The following LZTS3 variants were observed in gnomAD, a reference collection of about 807,000 sequenced individuals.
LZTS3 encodes leucine zipper putative tumor suppressor 3.
Under a neutral mutation model 50.9 loss-of-function variants are expected in LZTS3, and 16 were observed. That is an observed-to-expected ratio of 0.31 (90% confidence interval 0.21 to 0.48). The LOEUF is 0.48. LZTS3 is among the 20% of genes least tolerant of loss of function. LZTS3 has a pLI of 0.99. For synonymous variants in LZTS3, 408 were observed against 410.6 expected (o/e 0.99, Z 0.08); for missense variants, 816 against 931.0 (o/e 0.88, Z 1.61).
rs1451693350 is a variant in LZTS3, at chr20:3,162,624, C to G, written c.*1830G>C. On this transcript the variant is annotated 3_prime_UTR_variant, in exon 5 of 5. Coordinates refer to ENST00000337576, the MANE Select transcript of LZTS3 (RefSeq NM_001365618.1). This position sits in a 1 kb window ranked among gnomAD's most constrained non-coding sequence, Gnocchi z 5.0. The stretch of plus-strand genomic sequence containing the variant: ...CACAAGCAGGCCAAAGAATACCACT[C>G]AAGAGGCTTTTTCCGTTTTATTTCT... 3 of 152,580 alleles carry G rather than the reference C, an allele frequency of 2.0e-5. No homozygotes were observed. Among genetic ancestry groups the G allele is most frequent in the Non-Finnish European group, 4.4e-5 (3 of 68,038 alleles). The allele number at this position is 152,580 out of a possible 1,614,324, so 9.5% of individuals were successfully genotyped here.
rs2066762281 is a variant in LZTS3, at chr20:3,163,662, G to C, written c.*792C>G. 1 of 152,502 alleles carries C rather than the reference G, an allele frequency of 6.6e-6. No homozygotes were observed. The highest frequency in any genetic ancestry group is 1.5e-5 in the Non-Finnish European group (1 of 68,188). 9.4% of individuals were successfully genotyped at this position (152,502 alleles called of 1,614,324 possible). A position where few individuals can be genotyped will look rare whatever the true frequency, so the allele number is the denominator to read the frequency against. ...GACAGTGGTCCTGGGTGTGGGGTCA[G>C]CCAAGCAGATGGGGCTGTTGCCCTG... On this transcript the variant is annotated 3_prime_UTR_variant, in exon 5 of 5. Coordinates refer to ENST00000337576, the MANE Select transcript of LZTS3 (RefSeq NM_001365618.1). This position sits in a 1 kb window ranked among gnomAD's most constrained non-coding sequence, Gnocchi z 5.2.
chr20:3,164,747 C>A lies in LZTS3; in HGVS notation c.1729G>T (p.Val577Leu). The part of the protein sequence containing the change: ...ESGTRALRRE[V>L]GRLQAELAAE... ...GCCAGCTCGGCCTGCAGCCGCCCCA[C>A]CTCCCGCCGCAGGGCCCGCGTCCCG... The change falls in exon 5 of 5, where the codon GTG (valine) becomes TTG (leucine). Residue 577 changes from valine to leucine, a missense_variant. Transcript: ENST00000337576. 1 of 1,524,270 alleles carries A rather than the reference C, an allele frequency of 6.6e-7. No individual in the cohort carries two copies. Among genetic ancestry groups the A allele is most frequent in the South Asian group, 1.2e-5 (1 of 81,106 alleles). 94.4% of individuals were successfully genotyped at this position (1,524,270 alleles called of 1,614,324 possible).
Position 3,164,349 on chromosome 20 carries a change from T to C in LZTS3, c.*105A>G. The C allele has an allele frequency of 2.4e-6, 3 of 1,258,072 alleles. No individual in the cohort carries two copies. The highest frequency in any genetic ancestry group is 3.2e-6 in the Non-Finnish European group (3 of 933,888). The allele number at this position is 1,258,072 out of a possible 1,614,324, so 77.9% of individuals were successfully genotyped here. On this transcript the variant is annotated 3_prime_UTR_variant, in exon 5 of 5. Coordinates refer to ENST00000337576, the MANE Select transcript of LZTS3 (RefSeq NM_001365618.1). ...ACAGCTGCTTAGAGAACCTCTTTGG[T>C]CTGGGGTTATGGGGTCTATGGGGAA...
chr20:3,165,035 G>A lies in LZTS3; in HGVS notation c.1441C>T (p.Arg481Trp), dbSNP rs759661537. ...TCCTCCTTCTCCCGCAGCGAAGCCC[G>A]GCCCTCCCGCAGCTGCGAGCGCAGT... The part of the protein sequence containing the change: ...VGLRSQLREG[R>W]ASLREKEEQL... The change falls in exon 5 of 5, where the codon CGG becomes TGG. Residue 481 changes from arginine (R) to tryptophan (W), a missense_variant. Arg to Trp is a moderately radical substitution (Grantham distance 101). Transcript: ENST00000337576. This position sits in a 1 kb window ranked among gnomAD's most constrained non-coding sequence, Gnocchi z 5.0. 1.4e-5 allele frequency: 22 copies of A among 1,567,604 alleles called. No homozygotes were observed. Among genetic ancestry groups the A allele is most frequent in the African/African-American group, 2.7e-5 (2 of 74,200 alleles).
In LZTS3 at chr20:3,166,318, C is replaced by T. The variant is rs199520706; in HGVS notation, c.502G>A (p.Val168Ile). Residue 168 changes from valine (V) to isoleucine (I), a missense_variant, in exon 4 of 5, where the codon GTA becomes ATA. By Grantham distance (29) the Val-to-Ile change is conservative. This residue lies in a region of LZTS3 where 700 missense variants were observed against 769.4 expected (regional missense o/e 0.91). Transcript: ENST00000337576. ...TGCATGGAGTGGAAATTCTTGGGTA[C>T]GACAGGCTTGAAGGCCGACGGCCGA... ...LVRPSAFKPV[V>I]PKNFHSMQNL... 70 of 1,613,612 alleles carry T rather than the reference C, an allele frequency of 4.3e-5. No homozygotes were observed. In the Middle Eastern group the frequency reaches 9.9e-4, roughly 23 times the overall value.
At position 3,165,695 on chromosome 20, in the gene LZTS3, T is replaced by A. The variant is rs1341936652; in HGVS notation, c.1125A>T (p.Leu375=). Residue 375 remains leucine (L), a synonymous_variant, in exon 4 of 5, where the codon CTA becomes CTT. Coordinates refer to ENST00000337576, the MANE Select transcript of LZTS3 (RefSeq NM_001365618.1). The surrounding 1 kb of genome is among the most constrained non-coding windows in gnomAD (Gnocchi z 5.0). ...AELRQGCSGK[L]QQVARRAQRA... The stretch of plus-strand genomic sequence containing the variant: ...GCTGGGCACGTCGGGCCACCTGCTG[T>A]AGCTTCCCGCTGCAGCCCTGCCGCA... 1 of 1,575,456 alleles carries A rather than the reference T, an allele frequency of 6.3e-7. No individual in the cohort carries two copies. Among genetic ancestry groups the A allele is most frequent in the East Asian group, 2.3e-5 (1 of 43,316 alleles).
chr20:3,170,454 A>G (rs2066887865), intron 1 of LZTS3, among the ~76,000 whole-genome samples: 1 of 130,378 alleles, frequency 7.7e-6, no homozygotes, highest in East Asian at 2.4e-4. Flanking sequence ...ATGCCACTGC[A>G]CTCCAGCCTG....
At chr20:3,168,704 G>T (rs1036485319) in intron 1 of LZTS3, 1 of 152,274 alleles carries the variant, frequency 6.6e-6, no homozygotes, top group South Asian at 2.1e-4. Context: ...TGTCTGCCTC[G>T]GGTTAGACCC....
At chr20:3,168,620 T>C (rs1445821861) in intron 1 of LZTS3, 1 of 152,180 alleles carries the variant, frequency 6.6e-6, no homozygotes, top group Non-Finnish European at 1.5e-5. Context: ...CCTCGTTCCT[T>C]TGTCTCAAGT....
In LZTS3 at chr20:3,164,175, G is replaced by T; in HGVS notation, c.*279C>A. ...CCTCCATCTCCAACAAGGGGGTGCC[G>T]AGAAAGGGAGCATGACTCCCCCACC... On this transcript the variant is annotated 3_prime_UTR_variant, in exon 5 of 5. Coordinates refer to ENST00000337576, the MANE Select transcript of LZTS3 (RefSeq NM_001365618.1). 2.6e-6 allele frequency: 1 copy of T among 386,348 alleles called. No individual in the cohort carries two copies. Among genetic ancestry groups the T allele is most frequent in the Non-Finnish European group, 4.5e-6 (1 of 219,878 alleles). The allele number at this position is 386,348 out of a possible 1,614,324, so 23.9% of individuals were successfully genotyped here. A position where few individuals can be genotyped will look rare whatever the true frequency, so the allele number is the denominator to read the frequency against.
At position 3,167,127 on chromosome 20, in the gene LZTS3, G is replaced by T. The variant is rs956674804; in HGVS notation, c.37C>A (p.Pro13Thr). 6.7e-7 allele frequency: 1 copy of T among 1,502,738 alleles called. No individual in the cohort carries two copies. 93.1% of individuals were successfully genotyped at this position (1,502,738 alleles called of 1,614,324 possible). The change falls in exon 3 of 5, where the codon CCA becomes ACA. Residue 13 changes from proline to threonine, a missense_variant. Coordinates refer to ENST00000337576, the MANE Select transcript of LZTS3 (RefSeq NM_001365618.1). ...KLETLPVRAD[P>T]GRDPLLAFAP... ...AAGGCCAGGAGAGGATCCCGCCCTG[G>T]GTCAGCGCGCACAGGCAGCGTCTCC...
In LZTS3 at chr20:3,164,708, C is replaced by A; in HGVS notation, c.1768G>T (p.Ala590Ser). ...LQAELAAERR[A>S]RERQGASFAE... is the part of the protein sequence containing the mutation. Reference sequence around the variant, plus strand: ...AAGCTGGCACCCTGGCGCTCCCGGGCCCGCCGCTCAGCCGCCAGCTCGGCC... The same window carrying A: ...AAGCTGGCACCCTGGCGCTCCCGGGACCGCCGCTCAGCCGCCAGCTCGGCC... The change falls in exon 5 of 5, where the codon GCC (alanine) becomes TCC (serine). Residue 590 changes from alanine (A) to serine (S), a missense_variant. Ala to Ser is a moderately conservative substitution (Grantham distance 99, BLOSUM62 1). This residue lies in a region of LZTS3 where 107 missense variants were observed against 130.4 expected (regional missense o/e 0.82). Coordinates refer to ENST00000337576, the MANE Select transcript of LZTS3 (RefSeq NM_001365618.1). 6.3e-7 allele frequency: 1 copy of A among 1,578,474 alleles called. No individual in the cohort carries two copies. The highest frequency in any genetic ancestry group is 8.6e-7 in the Non-Finnish European group (1 of 1,164,222).
intron 1 of LZTS3, among the ~76,000 whole-genome samples, chr20:3,173,052 G>A (rs1324363307): frequency 1.3e-5 from 2 of 151,914 alleles, no homozygotes; most frequent in Non-Finnish European, 2.9e-5. Context: ...TCTGCTGGGG[G>A]TGGGAGGGGG....
chr20:3,167,853 C>A lies in LZTS3; in HGVS notation c.-134G>T, dbSNP rs934828269. 6.6e-5 allele frequency: 65 copies of A among 985,460 alleles called. No individual in the cohort carries two copies. Among genetic ancestry groups the A allele is most frequent in the Non-Finnish European group, 7.5e-5 (62 of 829,952 alleles). 61.0% of individuals were successfully genotyped at this position (985,460 alleles called of 1,614,324 possible). A position where few individuals can be genotyped will look rare whatever the true frequency, so the allele number is the denominator to read the frequency against. On this transcript the variant is annotated 5_prime_UTR_variant, in exon 2 of 5. Coordinates refer to ENST00000337576, the MANE Select transcript of LZTS3 (RefSeq NM_001365618.1). ...CCTCAAGCCTGGGACCCTCCGAGGC[C>A]CGGTCTGCAGGGGCCATGTGCCTCA... is the stretch of plus-strand genomic sequence containing the variant.
Position 3,162,686 on chromosome 20 carries a change from T to A in LZTS3, c.*1768A>T, listed in dbSNP as rs1318111299. 1 of 152,420 alleles carries A rather than the reference T, an allele frequency of 6.6e-6. No homozygotes were observed. The highest frequency in any genetic ancestry group is 1.5e-5 in the Non-Finnish European group (1 of 68,016). The allele number at this position is 152,420 out of a possible 1,614,324, so 9.4% of individuals were successfully genotyped here. ...AAACAAAAAGTCTTTCCATCACATA[T>A]GGTAGAGATATATATTTATATATAT... On this transcript the variant is annotated 3_prime_UTR_variant, in exon 5 of 5. Transcript: ENST00000337576. This position sits in a 1 kb window ranked among gnomAD's most constrained non-coding sequence, Gnocchi z 5.0.
intron 3 of LZTS3, 48 bp downstream of exon 3, chr20:3,166,657 C>G (rs778679969): frequency 1.3e-6 from 2 of 1,585,698 alleles, no homozygotes; most frequent in East Asian, 4.5e-5. Context: ...TGGGTTGCCT[C>G]CCACCCCCAG....
rs1224978651 is a variant in LZTS3 at position 3,166,905 on chromosome 20, G to T, written c.259C>A (p.Pro87Thr). The T allele has an allele frequency of 6.2e-7, 1 of 1,612,742 alleles. No homozygotes were observed. The highest frequency in any genetic ancestry group is 1.1e-5 in the South Asian group (1 of 91,076). Residue 87 changes from proline (P) to threonine (T), a missense_variant, in exon 3 of 5, where the codon CCC (proline) becomes ACC (threonine). By Grantham distance (38) the Pro-to-Thr change is conservative. This residue lies in a region of LZTS3 where 700 missense variants were observed against 769.4 expected (regional missense o/e 0.91). Coordinates refer to ENST00000337576, the MANE Select transcript of LZTS3 (RefSeq NM_001365618.1). ...GASRERPGRY[P>T]SEDKGLANSL... ...TTGGCGAGACCCTTGTCCTCTGAGG[G>T]GTAGCGGCCCGGCCTCTCCCTGCTG... is the stretch of plus-strand genomic sequence containing the variant.
At chr20:3,166,643 T>C in intron 3 of LZTS3, 62 bp downstream of exon 3, 1 of 1,570,618 alleles carries the variant, frequency 6.4e-7, no homozygotes, top group Non-Finnish European at 8.7e-7. Flanking sequence ...TTTGCCTTCC[T>C]CTCTGGGTTG....
chr20:3,168,255 G>C (rs941344255), intron 1 of LZTS3: 55 of 152,408 alleles, frequency 3.6e-4, no homozygotes, highest in African/African-American at 1.3e-3. Context: ...GAGGTCCCAG[G>C]GCTGGCTGAG....
Sources: allele counts gnomAD v4.1 joint callset (sites outside exome capture counted in the v4.1 genomes callset), GRCh38; gene constraint gnomAD v4.1.1; regional missense constraint gnomAD v4.1.1; non-coding constraint Gnocchi (gnomAD v3.1); transcripts MANE v1.5; gene names NCBI Gene and HGNC (gene_info 2026-07-23, HGNC 2026-07-21).